RGPD2: variants seen among roughly 807,000 people sequenced by gnomAD.
RGPD2 encodes the protein RANBP2-like and GRIP domain-containing protein 2.
Under a neutral mutation model 36.0 loss-of-function variants are expected in RGPD2, and 2 were observed. The observed-to-expected ratio is 0.06, with a 90% CI of 0.02 to 0.17. RGPD2 has a LOEUF of 0.17. Among genes scored for constraint, RGPD2 ranks in the 10% least tolerant of loss-of-function variants. The pLI is 1.00. For synonymous variants in RGPD2, 19 were observed against 163.8 expected (o/e 0.12, Z 6.75); for missense variants, 40 against 464.3 (o/e 0.09, Z 8.40).
At chr2:87,880,282 G>A in the RGPD2 span, among the ~76,000 whole-genome samples, 3 of 152,076 alleles carry the variant, frequency 2.0e-5, no homozygotes, top group African/African-American at 7.2e-5. Context: ...TCTATTAATT[G>A]TTTCATTTGC....
chr2:87,839,793 T>A, the RGPD2 span, among the ~76,000 whole-genome samples: 12 of 151,836 alleles, frequency 7.9e-5, no homozygotes, highest in South Asian at 1.7e-3. Context: ...ATGAGGAGGG[T>A]GAGGATTGAA....
the RGPD2 span, among the ~76,000 whole-genome samples, chr2:87,885,282 G>T: frequency 2.0e-5 from 3 of 152,052 alleles, no homozygotes; most frequent in African/African-American, 7.2e-5. Context: ...TACAAATGAA[G>T]CATTTGACAA....
At chr2:87,870,316 T>C in the RGPD2 span, among the ~76,000 whole-genome samples, 1 of 152,294 alleles carries the variant, frequency 6.6e-6, no homozygotes, top group Non-Finnish European at 1.5e-5. Context: ...GACCAAAGTC[T>C]ATAGCTCCAT....
the RGPD2 span, among the ~76,000 whole-genome samples, chr2:87,906,906 T>C: frequency 7.0e-6 from 1 of 142,388 alleles, no homozygotes; most frequent in African/African-American, 2.6e-5. Flanking sequence ...GGTGACAGAG[T>C]GAGACCTTGT....
the RGPD2 span, among the ~76,000 whole-genome samples, chr2:87,948,274 A>C: frequency 1.4e-4 from 22 of 151,974 alleles, no homozygotes; most frequent in South Asian, 4.2e-3. Context: ...AGTTAAATGT[A>C]ATAATTCATG....
chr2:87,847,014 G>A, the RGPD2 span, among the ~76,000 whole-genome samples: 1 of 150,858 alleles, frequency 6.6e-6, no homozygotes, highest in South Asian at 2.1e-4. Flanking sequence ...CAATGCAGTT[G>A]TGTTTTTACT....
chr2:87,971,793 T>C, the RGPD2 span, among the ~76,000 whole-genome samples: 1 of 152,194 alleles, frequency 6.6e-6, no homozygotes, highest in Non-Finnish European at 1.5e-5. Context: ...AAATTACAAA[T>C]AAAGAAAAAC....
the RGPD2 span, among the ~76,000 whole-genome samples, chr2:87,853,839 T>C: frequency 6.6e-6 from 1 of 152,220 alleles, no homozygotes; most frequent in African/African-American, 2.4e-5. Flanking sequence ...TCTTTGATGG[T>C]TAGTCATTTT....
the RGPD2 span, among the ~76,000 whole-genome samples, chr2:87,877,931 C>A: frequency 6.6e-6 from 1 of 151,614 alleles, no homozygotes; most frequent in Non-Finnish European, 1.5e-5. Flanking sequence ...TGTAGGTGAC[C>A]TGGACTTTCT....
At chr2:87,775,169 TCTTA>T (rs1262406678) in intron 20 of RGPD2, 86 bp from the exon 21 acceptor site, 10 of 25,590 alleles carry the variant, frequency 3.9e-4, no homozygotes, top group African/African-American at 1.1e-3. Context: ...AATATAAATA[TCTTA>T]CTATGTGATA....
the RGPD2 span, among the ~76,000 whole-genome samples, chr2:87,886,054 T>C: frequency 6.6e-6 from 1 of 151,846 alleles, no homozygotes; most frequent in East Asian, 1.9e-4. Context: ...TTCTAACTAA[T>C]ATTTAAAGAA....
the RGPD2 span, among the ~76,000 whole-genome samples, chr2:87,877,899 T>C: frequency 4.4e-4 from 67 of 152,088 alleles, no homozygotes; most frequent in Middle Eastern, 3.4e-3. Context: ...AGGTCCACTG[T>C]TAGTCTGATA....
rs1558739464 is a variant in RGPD2 at position 87,825,440 on chromosome 2, CG to C, written c.72+217del. Among the ~76,000 whole-genome samples the C allele has an allele frequency of 3.2e-3, 384 of 118,438 alleles. 5 individuals are homozygous for C. Among genetic ancestry groups the C allele is most frequent in the Middle Eastern group, 5.8e-3 (1 of 172 alleles). The allele number at this position is 118,438 out of a possible 152,430, so 77.7% of individuals were successfully genotyped here. A position where few individuals can be genotyped will look rare whatever the true frequency, so the allele number is the denominator to read the frequency against. ...AGGCCGCCGCCGCCGCCGCCGCCGC[CG>C]CCCGGCCAGGCCGAGGCCGAGGCCG... On this transcript the variant is annotated intron_variant, in intron 1 of 22. Transcript: ENST00000398146.
At chr2:87,885,208 C>T in the RGPD2 span, among the ~76,000 whole-genome samples, 113 of 152,150 alleles carry the variant, frequency 7.4e-4, no homozygotes, top group Non-Finnish European at 1.4e-3. Flanking sequence ...ATACATAAAT[C>T]AATAAATGTG....
the RGPD2 span, among the ~76,000 whole-genome samples, chr2:87,843,441 G>A: frequency 7.6e-6 from 1 of 131,768 alleles, no homozygotes; most frequent in African/African-American, 3.0e-5. Flanking sequence ...CATTTATGCA[G>A]CCAAAAAACA....
At chr2:87,986,522 TG>T in the RGPD2 span, among the ~76,000 whole-genome samples, 3 of 152,012 alleles carry the variant, frequency 2.0e-5, no homozygotes, top group African/African-American at 7.2e-5. Context: ...TTACATCCAT[TG>T]CCCAGCAATT....
At chr2:87,893,308 TA>T in the RGPD2 span, among the ~76,000 whole-genome samples, 1 of 150,788 alleles carries the variant, frequency 6.6e-6, no homozygotes, top group Admixed American at 6.6e-5. Flanking sequence ...CTTTTAATAT[TA>T]TTTTTTCAGG....
At chr2:87,791,381 CG>C (rs1316429444) in intron 17 of RGPD2, among the ~76,000 whole-genome samples, 13 of 149,602 alleles carry the variant, frequency 8.7e-5, no homozygotes, top group African/African-American at 3.2e-4. Context: ...GTCCTGGTGG[CG>C]GGTGCCTGTA....
At chr2:87,984,815 A>C in the RGPD2 span, among the ~76,000 whole-genome samples, 1 of 151,552 alleles carries the variant, frequency 6.6e-6, no homozygotes, top group Non-Finnish European at 1.5e-5. Flanking sequence ...CTGTAGTCCC[A>C]GCTACTCGGG....
Sources: gnomAD v4.1 joint callset for allele counts (sites outside exome capture counted in the v4.1 genomes callset) on GRCh38, gnomAD v4.1.1 for gene constraint, MANE v1.5 for transcripts, NCBI Gene and HGNC (gene_info 2026-07-23, HGNC 2026-07-21) for gene names.